Variants in RBFOX3 observed in about 807,000 individuals in gnomAD.
RBFOX3 encodes the protein RNA binding fox-1 homolog 3.
RBFOX3 carries 17 observed loss-of-function variants against 48.7 expected under a neutral mutation model. That is an observed-to-expected ratio of 0.35 (90% CI 0.24 to 0.52). The LOEUF (loss-of-function observed/expected upper bound fraction) is 0.52. RBFOX3 is among the 20% of genes least tolerant of loss of function. RBFOX3 has a pLI of 0.94. For synonymous variants in RBFOX3, 212 were observed against 209.5 expected (o/e 1.01, Z -0.10); for missense variants, 382 against 497.5 (o/e 0.77, Z 2.21).
rs1006728123 is a variant in RBFOX3 at position 79,311,857 on chromosome 17, A to G, written c.-174-4033T>C. 2.6e-5 allele frequency among the ~76,000 whole-genome samples: 4 copies of G among 152,136 alleles called. No homozygotes were observed. Among genetic ancestry groups the G allele is most frequent in the Non-Finnish European group, 5.9e-5 (4 of 68,020 alleles). ...CTCATGTCTGCTTGGGGGCAAGGAC[A>G]GCATTCTCACGAACCTGGAACAAAC... On this transcript the variant is annotated intron_variant, in intron 2 of 14. Coordinates refer to ENST00000693108, the MANE Select transcript of RBFOX3 (RefSeq NM_001350451.2). This position sits in a 1 kb window ranked among gnomAD's most constrained non-coding sequence, Gnocchi z 4.2.
intron 2 of RBFOX3, among the ~76,000 whole-genome samples, chr17:79,404,070 A>G (rs1333820401): frequency 1.3e-5 from 2 of 151,860 alleles, no homozygotes; most frequent in Admixed American, 6.6e-5. Context: ...GAACCACCAC[A>G]CCCGGCCCAG....
the RBFOX3 span, among the ~76,000 whole-genome samples, chr17:79,654,780 A>C: frequency 1.3e-5 from 2 of 152,122 alleles, no homozygotes; most frequent in East Asian, 3.9e-4. Context: ...TTCCACTTTG[A>C]GAGGTGGCCT....
intron 7 of RBFOX3, 60 bp downstream of exon 7, chr17:79,104,013 C>T (rs1465834238): frequency 1.1e-5 from 15 of 1,422,408 alleles, no homozygotes; most frequent in East Asian, 2.5e-5. Flanking sequence ...ACATTTCACA[C>T]GTTAGCCTGG....
At chr17:79,346,170 A>G (rs10852719) in intron 2 of RBFOX3, among the ~76,000 whole-genome samples, 131,450 of 152,024 alleles carry the variant, frequency 0.86, 56,930 homozygotes, top group Non-Finnish European at 0.89. Flanking sequence ...TGATCCACCC[A>G]CCTCAGCCTC....
intron 2 of RBFOX3, among the ~76,000 whole-genome samples, chr17:79,384,494 C>A (rs978814416): frequency 3.3e-5 from 5 of 152,200 alleles, no homozygotes; most frequent in South Asian, 2.1e-4. Context: ...CTCTGGAGAA[C>A]CGTCTGCCCT....
At chr17:79,166,534 G>A (rs1255006617) in intron 4 of RBFOX3, among the ~76,000 whole-genome samples, 3 of 152,204 alleles carry the variant, frequency 2.0e-5, no homozygotes, top group Non-Finnish European at 2.9e-5. Context: ...AGGGGGCTTC[G>A]GAAGGGTCCC....
At position 79,292,084 on chromosome 17, in the gene RBFOX3, G is replaced by A. The variant is rs140904318; in HGVS notation, c.-74+15640C>T. Among the ~76,000 whole-genome samples the A allele has an allele frequency of 2.8e-4, 43 of 152,154 alleles. No individual in the cohort carries two copies. The East Asian group carries it at 7.5e-3, about 27-fold the overall frequency. ...ACCCCTCATTCCAGGGCTTTCTCTG[G>A]TGATCAGTATTTTGGGGTTGCTCTG... On this transcript the variant is annotated intron_variant, in intron 3 of 14. Coordinates refer to ENST00000693108, the MANE Select transcript of RBFOX3 (RefSeq NM_001350451.2).
chr17:79,277,554 C>T (rs938850276), intron 3 of RBFOX3, among the ~76,000 whole-genome samples: 18 of 152,332 alleles, frequency 1.2e-4, no homozygotes, highest in African/African-American at 4.3e-4. Context: ...CTGTTACAGC[C>T]GACGCGGTAT....
At chr17:79,461,891 C>T (rs1254938212) in intron 2 of RBFOX3, among the ~76,000 whole-genome samples, 1 of 152,140 alleles carries the variant, frequency 6.6e-6, no homozygotes, top group Non-Finnish European at 1.5e-5. Flanking sequence ...GCCAGCAACC[C>T]CCAGAAGGTG....
chr17:79,097,663 T>TACCAAACCCCCCCCC, intron 10 of RBFOX3, 29 bp downstream of exon 10: 1 of 1,384,068 alleles, frequency 7.2e-7, no homozygotes, highest in Non-Finnish European at 9.8e-7. Flanking sequence ...GCTGGTCTCA[T>TACCAAACCCCCCCCC]CCCATCCCCG....
chr17:79,128,045 C>T (rs1203769866), intron 4 of RBFOX3, among the ~76,000 whole-genome samples: 1 of 152,230 alleles, frequency 6.6e-6, no homozygotes, highest in African/African-American at 2.4e-5. Flanking sequence ...CGCTCAGCGC[C>T]AGGTTCTAGA....
At chr17:79,273,006 G>A (rs1205034763) in intron 3 of RBFOX3, among the ~76,000 whole-genome samples, 4 of 152,150 alleles carry the variant, frequency 2.6e-5, no homozygotes, top group South Asian at 2.1e-4. Context: ...ATGTTCCCAC[G>A]TTTCAAGGGG....
intron 1 of RBFOX3, among the ~76,000 whole-genome samples, chr17:79,520,537 C>T (rs1046794760): frequency 6.6e-6 from 1 of 152,202 alleles, no homozygotes; most frequent in African/African-American, 2.4e-5. Flanking sequence ...GTTCCCACAC[C>T]GCCTGCCCCC....
chr17:79,545,842 C>T (rs868915731), intron 1 of RBFOX3, among the ~76,000 whole-genome samples: 5 of 152,232 alleles, frequency 3.3e-5, no homozygotes, highest in Non-Finnish European at 4.4e-5. Flanking sequence ...CACTCAACCC[C>T]GCCAGCTCAC....
chr17:79,442,810 G>T (rs1463860486), intron 2 of RBFOX3, among the ~76,000 whole-genome samples: 1 of 152,164 alleles, frequency 6.6e-6, no homozygotes, highest in African/African-American at 2.4e-5. Flanking sequence ...ACACCTCCCA[G>T]AAGAACCCCT....
chr17:79,498,779 T>C, intron 1 of RBFOX3, among the ~76,000 whole-genome samples: 1 of 145,116 alleles, frequency 6.9e-6, no homozygotes, highest in African/African-American at 2.6e-5. Context: ...ATCCATACAC[T>C]CATCCATCCA....
Position 79,199,045 on chromosome 17 carries a change from T to C in RBFOX3, c.-34+36721A>G, listed in dbSNP as rs116229285. On this transcript the variant is annotated intron_variant, in intron 4 of 14. Transcript: ENST00000693108. The surrounding 1 kb of genome is among the most constrained non-coding windows in gnomAD (Gnocchi z 5.1). ...TGCCTGTAACTCAGTTGTGAGGCTG[T>C]TGACTGAGAACTGGTTTTTAGGGAG... 6.6e-6 allele frequency among the ~76,000 whole-genome samples: 1 copy of C among 152,230 alleles called. No individual in the cohort carries two copies. The highest frequency in any genetic ancestry group is 2.4e-5 in the African/African-American group (1 of 41,548).
intron 2 of RBFOX3, among the ~76,000 whole-genome samples, chr17:79,407,075 T>C (rs1406171504): frequency 6.6e-6 from 1 of 152,274 alleles, no homozygotes; most frequent in South Asian, 2.1e-4. Context: ...CATGGCAATC[T>C]TGGCTCACTG....
At chr17:79,216,260 G>A (rs1279787518) in intron 4 of RBFOX3, among the ~76,000 whole-genome samples, 1 of 152,252 alleles carries the variant, frequency 6.6e-6, no homozygotes, top group East Asian at 1.9e-4. Flanking sequence ...TCTGTGAGGA[G>A]GCTCTGAGAG....
Sources: allele counts gnomAD v4.1 joint callset (sites outside exome capture counted in the v4.1 genomes callset), GRCh38; gene constraint gnomAD v4.1.1; non-coding constraint Gnocchi (gnomAD v3.1); transcripts MANE v1.5; gene names NCBI Gene and HGNC (gene_info 2026-07-23, HGNC 2026-07-21).